REV3L: variants seen among roughly 807,000 people sequenced by gnomAD.
REV3L encodes DNA polymerase zeta catalytic subunit.
Under a neutral mutation model 299.4 loss-of-function variants are expected in REV3L, and 69 were observed. The observed-to-expected ratio is 0.23, with a 90% CI of 0.19 to 0.28. The LOEUF (loss-of-function observed/expected upper bound fraction) is 0.28, where lower values mean the gene tolerates loss of function less well. Ranked by LOEUF, REV3L falls within the 10% of genes least tolerant of loss-of-function variation. REV3L has a pLI of 1.00. For missense variants in REV3L, 3,128 were observed against 3,693.8 expected (o/e 0.85, Z 3.97); for synonymous variants, 1,238 against 1,271.4 (o/e 0.97, Z 0.56).
chr6:111,307,347 GAAC>G lies in REV3L; in HGVS notation c.9252+11_9252+13del. On this transcript the variant is annotated intron_variant, in intron 31 of 31. Transcript: ENST00000368802. ...GACTGCTTGTGATTCTGGGCCCATG[GAAC>G]AAAACTGTACCTTTACAAGTTGCTC... The G allele has an allele frequency of 1.2e-6, 2 of 1,611,064 alleles. No individual in the cohort carries two copies. Among genetic ancestry groups the G allele is most frequent in the Non-Finnish European group, 1.7e-6 (2 of 1,177,338 alleles).
Position 111,357,099 on chromosome 6 carries a change from T to C in REV3L, c.7099A>G (p.Ile2367Val). The stretch of plus-strand genomic sequence containing the variant: ...TCGAGTCCTGTAATTCCAGATCTAA[T>C]AAGTAATGGAGTCTGATATCTGATA... ...QDIRYQTPLLIRSGITGLEVT... is the reference protein window; with the variant it reads ...QDIRYQTPLLVRSGITGLEVT... Residue 2367 changes from isoleucine (I) to valine (V), a missense_variant, in exon 18 of 32, where the codon ATT becomes GTT. By Grantham distance (29) the Ile-to-Val change is conservative. Transcript: ENST00000368802. The C allele has an allele frequency of 6.3e-7, 1 of 1,590,864 alleles. No homozygotes were observed. Among genetic ancestry groups the C allele is most frequent in the South Asian group, 1.2e-5 (1 of 86,630 alleles).
chr6:111,331,014 A>G, intron 24 of REV3L: 1 of 985,280 alleles, frequency 1.0e-6, no homozygotes, highest in Non-Finnish European at 1.2e-6. Flanking sequence ...CCACTCTACC[A>G]TCAACCACTC....
intron 4 of REV3L, among the ~76,000 whole-genome samples, chr6:111,396,312 C>T (rs996227119): frequency 2.0e-5 from 3 of 151,992 alleles, no homozygotes; most frequent in African/African-American, 7.2e-5. Flanking sequence ...CAGGCATGAG[C>T]CACTGTGCCT....
intron 2 of REV3L, among the ~76,000 whole-genome samples, chr6:111,412,583 T>C (rs1784355341): frequency 6.6e-6 from 1 of 152,106 alleles, no homozygotes; most frequent in African/African-American, 2.4e-5. Context: ...TTTAAAAACA[T>C]TGTTCCCTTA....
chr6:111,423,484 GAA>G (rs1246929737), intron 1 of REV3L, among the ~76,000 whole-genome samples: 3 of 152,012 alleles, frequency 2.0e-5, no homozygotes. Flanking sequence ...GGAGAGAAAA[GAA>G]AAAGAGTATG....
At chr6:111,377,251 C>T (rs541148431) in intron 12 of REV3L, among the ~76,000 whole-genome samples, 27 of 152,242 alleles carry the variant, frequency 1.8e-4, no homozygotes, top group African/African-American at 5.8e-4. Flanking sequence ...ATCACTATAG[C>T]CTCCCTTAGC....
At chr6:111,348,571 T>C (rs1355791161) in intron 20 of REV3L, among the ~76,000 whole-genome samples, 3 of 152,218 alleles carry the variant, frequency 2.0e-5, no homozygotes, top group African/African-American at 4.8e-5. Flanking sequence ...GCCAGCTGAA[T>C]TCATCTGGCC....
At position 111,299,821 on chromosome 6, in the gene REV3L, T is replaced by A. The variant is rs1257403093; in HGVS notation, c.*195A>T. ...TTTAAAAGGTGACAGAATGAGGAATTTGTACATTGTAAGAAGTGAGCTATT... is the reference window on the plus strand; with the variant it reads ...TTTAAAAGGTGACAGAATGAGGAATATGTACATTGTAAGAAGTGAGCTATT... On this transcript the variant is annotated 3_prime_UTR_variant, in exon 32 of 32. Transcript: ENST00000368802. 1 of 440,910 alleles carries A rather than the reference T, an allele frequency of 2.3e-6. No individual in the cohort carries two copies. The highest frequency in any genetic ancestry group is 3.9e-5 in the East Asian group (1 of 25,518). 27.3% of individuals were successfully genotyped at this position (440,910 alleles called of 1,614,324 possible).
intron 27 of REV3L, among the ~76,000 whole-genome samples, chr6:111,314,633 C>T (rs1348258193): frequency 2.6e-5 from 4 of 152,120 alleles, no homozygotes; most frequent in African/African-American, 7.2e-5. Flanking sequence ...AACTAGACAT[C>T]GTGCAGCAGA....
At position 111,377,019 on chromosome 6, in the gene REV3L, A is replaced by G. The variant is rs17539574; in HGVS notation, c.1598-262T>C. ...ATTTAGTTCCTTTGGGGCATAAGGGAAAAATACTGTCACTTTAAAAATGTT... is the reference window on the plus strand; with the variant it reads ...ATTTAGTTCCTTTGGGGCATAAGGGGAAAATACTGTCACTTTAAAAATGTT... On this transcript the variant is annotated intron_variant, in intron 12 of 31. Coordinates refer to ENST00000368802, the MANE Select transcript of REV3L (RefSeq NM_001372078.1). Among the ~76,000 whole-genome samples, 532 of 152,342 alleles carry G rather than the reference A, an allele frequency of 3.5e-3. 3 individuals carry two copies. Among genetic ancestry groups the G allele is most frequent in the African/African-American group, 0.012 (514 of 41,576 alleles).
chr6:111,316,873 T>C (rs907926854), intron 26 of REV3L, among the ~76,000 whole-genome samples: 1 of 152,280 alleles, frequency 6.6e-6, no homozygotes, highest in Non-Finnish European at 1.5e-5. Context: ...ATGAATAATA[T>C]TGAATTACAT....
Position 111,323,795 on chromosome 6 carries a change from A to AT in REV3L, c.8242-1118dup, listed in dbSNP as rs199920608. 3.9e-3 allele frequency among the ~76,000 whole-genome samples: 597 copies of AT among 151,418 alleles called. 1 individual carries two copies. The highest frequency in any genetic ancestry group is 0.014 in the African/African-American group (560 of 41,342). On this transcript the variant is annotated intron_variant, in intron 25 of 31. Coordinates refer to ENST00000368802, the MANE Select transcript of REV3L (RefSeq NM_001372078.1). ...TGCAATTTTAAAACGCAAACTGCAC[A>AT]TTTTTTTTTGTTAAGAAGCAAACAA...
At chr6:111,325,945 G>A (rs2114800623) in intron 25 of REV3L, among the ~76,000 whole-genome samples, 1 of 152,084 alleles carries the variant, frequency 6.6e-6, no homozygotes, top group Middle Eastern at 3.4e-3. Context: ...ATTGCCTCTG[G>A]CAACCATCAT....
chr6:111,373,675 A>G lies in REV3L; in HGVS notation c.4680T>C (p.Asn1560=), dbSNP rs537117946. ...PLSNKHQPNK[N]ISGSLEHNKA... Reference sequence around the variant, plus strand: ...TGTTATGCTCAAGGGAACCAGAAATATTTTTATTTGGTTGATGTTTATTGG... The same window carrying G: ...TGTTATGCTCAAGGGAACCAGAAATGTTTTTATTTGGTTGATGTTTATTGG... The change falls in exon 13 of 32, where the codon AAT becomes AAC. Residue 1560 remains asparagine (N), a synonymous_variant. Transcript: ENST00000368802. 9.6e-5 allele frequency: 155 copies of G among 1,613,936 alleles called. 2 individuals carry two copies. In the South Asian group the frequency reaches 1.6e-3, roughly 16 times the overall value.
chr6:111,299,665 C>T lies in REV3L; in HGVS notation c.*351G>A, dbSNP rs1479916339. 1 of 161,628 alleles carries T rather than the reference C, an allele frequency of 6.2e-6. No homozygotes were observed. Among genetic ancestry groups the T allele is most frequent in the Non-Finnish European group, 1.3e-5 (1 of 74,382 alleles). The allele number at this position is 161,628 out of a possible 1,614,324, so 10.0% of individuals were successfully genotyped here. ...CTTGATACAGACAGTTCAAGGAAAA[C>T]ACACAAATGCTTTTTCTTTAAGAGG... On this transcript the variant is annotated 3_prime_UTR_variant, in exon 32 of 32. Coordinates refer to ENST00000368802, the MANE Select transcript of REV3L (RefSeq NM_001372078.1).
At position 111,482,979 on chromosome 6, in the gene REV3L, C is replaced by T; in HGVS notation, c.-91G>A. On this transcript the variant is annotated 5_prime_UTR_variant, in exon 1 of 32. Coordinates refer to ENST00000368802, the MANE Select transcript of REV3L (RefSeq NM_001372078.1). ...GCTCCCTCCGCAGCGGCGGCGGCGC[C>T]CCCTCCCCTTCTCGGCACGGCCCCC... The T allele has an allele frequency of 7.2e-7, 1 of 1,387,708 alleles. No homozygotes were observed. Among genetic ancestry groups the T allele is most frequent in the Non-Finnish European group, 9.4e-7 (1 of 1,068,398 alleles). 86.0% of individuals were successfully genotyped at this position (1,387,708 alleles called of 1,614,324 possible). A position where few individuals can be genotyped will look rare whatever the true frequency, so the allele number is the denominator to read the frequency against.
chr6:111,431,988 C>A (rs1395788386), intron 1 of REV3L, among the ~76,000 whole-genome samples: 1 of 152,116 alleles, frequency 6.6e-6, no homozygotes, highest in Non-Finnish European at 1.5e-5. Context: ...AAAAAAATTT[C>A]TATTCTTTGT....
chr6:111,306,216 G>A (rs933772158), intron 31 of REV3L, among the ~76,000 whole-genome samples: 2 of 152,072 alleles, frequency 1.3e-5, no homozygotes, highest in South Asian at 4.1e-4. Context: ...CAGTCCAGAG[G>A]TTTCAGCTGA....
At chr6:111,368,296 G>A (rs1458605641) in intron 13 of REV3L, among the ~76,000 whole-genome samples, 1 of 152,066 alleles carries the variant, frequency 6.6e-6, no homozygotes, top group African/African-American at 2.4e-5. Flanking sequence ...AATGCCCCAT[G>A]AAGCCTTCTG....
Sources: gnomAD v4.1 joint callset for allele counts (sites outside exome capture counted in the v4.1 genomes callset) on GRCh38, gnomAD v4.1.1 for gene constraint, MANE v1.5 for transcripts, NCBI Gene and HGNC (gene_info 2026-07-23, HGNC 2026-07-21) for gene names.